Variants in DMXL2 observed in about 807,000 individuals in gnomAD.
The protein encoded by DMXL2 is dmX-like protein 2.
A neutral mutation model predicts 331.1 loss-of-function variants in DMXL2; 103 were observed. The observed-to-expected ratio is 0.31, with a 90% confidence interval of 0.27 to 0.37. The LOEUF is 0.37. Among genes scored for constraint, DMXL2 ranks in the 10% least tolerant of loss-of-function variants. DMXL2 has a pLI of 1.00. For synonymous variants in DMXL2, 1,281 were observed against 1,252.1 expected, an observed-to-expected ratio of 1.02 and a Z score of -0.49; for missense variants, 3,171 against 3,642.9, an observed-to-expected ratio of 0.87 and a Z score of 3.33.
chr15:51,466,167 A>G lies in DMXL2; in HGVS notation c.7520+17T>C, dbSNP rs775262725. The G allele has an allele frequency of 1.3e-6, 2 of 1,543,342 alleles. No individual in the cohort carries two copies. The highest frequency in any genetic ancestry group is 1.7e-6 in the Non-Finnish European group (2 of 1,154,368). On this transcript the variant is annotated intron_variant, in intron 30 of 43. Coordinates refer to ENST00000560891, the MANE Select transcript of DMXL2 (RefSeq NM_001378457.1). ...AAAAGCCAAAAAAAAAATGAGAGAAAGAAAAGTCTTATTTACCTATAGGAA... is the reference window on the plus strand; with the variant it reads ...AAAAGCCAAAAAAAAAATGAGAGAAGGAAAAGTCTTATTTACCTATAGGAA...
At chr15:51,610,237 TATA>T (rs1263590571) in intron 1 of DMXL2, among the ~76,000 whole-genome samples, 2 of 152,264 alleles carry the variant, frequency 1.3e-5, no homozygotes, top group African/African-American at 4.8e-5. Context: ...ACCAAGAAGA[TATA>T]ATAATTTTAA....
intron 1 of DMXL2, among the ~76,000 whole-genome samples, chr15:51,608,649 ATACTT>A (rs1426570640): frequency 6.6e-6 from 1 of 152,214 alleles, no homozygotes; most frequent in African/African-American, 2.4e-5. Context: ...ATCGGGAACT[ATACTT>A]ATTACCTGGG....
At chr15:51,543,825 G>C (rs1256466553) in intron 8 of DMXL2, among the ~76,000 whole-genome samples, 1 of 151,886 alleles carries the variant, frequency 6.6e-6, no homozygotes, top group Admixed American at 6.6e-5. Context: ...TTATATTTCT[G>C]TTCTATTTTA....
At position 51,480,050 on chromosome 15, in the gene DMXL2, G is replaced by C. The variant is rs768651804; in HGVS notation, c.6654C>G (p.Val2218=). The change falls in exon 25 of 44, where the codon GTC becomes GTG. Residue 2218 remains valine, a synonymous_variant. Coordinates refer to ENST00000560891, the MANE Select transcript of DMXL2 (RefSeq NM_001378457.1). ...TTAAGTACAATACAGGATTAGCTATGACTGTTTTTGTTGACGCAATACTTG... is the reference window on the plus strand; with the variant it reads ...TTAAGTACAATACAGGATTAGCTATCACTGTTTTTGTTGACGCAATACTTG... ...LSASIASTKT[V]IANPVLYLNN... The C allele has an allele frequency of 2.5e-6, 4 of 1,603,586 alleles. No individual in the cohort carries two copies. Among genetic ancestry groups the C allele is most frequent in the Non-Finnish European group, 3.4e-6 (4 of 1,171,870 alleles).
chr15:51,459,830 C>A (rs1052138608), intron 33 of DMXL2, 170 bp from the exon 34 acceptor site: 106 of 1,173,824 alleles, frequency 9.0e-5, no homozygotes, highest in African/African-American at 1.1e-4. Flanking sequence ...CAAATAAACA[C>A]AACACAAAGC....
At chr15:51,464,531 TA>T (rs149559063) in intron 32 of DMXL2, 143 bp downstream of exon 32, 11,071 of 614,132 alleles carry the variant, frequency 0.018, 291 homozygotes, top group East Asian at 0.081. Context: ...AAATTTCTGA[TA>T]TTTTTCTTAA....
At chr15:51,587,650 G>C (rs1288667525) in intron 1 of DMXL2, among the ~76,000 whole-genome samples, 1 of 152,152 alleles carries the variant, frequency 6.6e-6, no homozygotes, top group East Asian at 1.9e-4. Flanking sequence ...TGTCTTTATA[G>C]CAGCATGATT....
intron 8 of DMXL2, among the ~76,000 whole-genome samples, chr15:51,543,830 A>G (rs1382385921): frequency 6.6e-6 from 1 of 152,090 alleles, no homozygotes; most frequent in East Asian, 1.9e-4. Context: ...TTTCTGTTCT[A>G]TTTTACATGG....
intron 16 of DMXL2, among the ~76,000 whole-genome samples, chr15:51,503,273 A>C (rs2043812856): frequency 6.6e-6 from 1 of 152,218 alleles, no homozygotes; most frequent in African/African-American, 2.4e-5. Context: ...CTGCACTCCC[A>C]CATTTATTGT....
At chr15:51,596,582 A>G (rs1174610547) in intron 1 of DMXL2, among the ~76,000 whole-genome samples, 2 of 152,198 alleles carry the variant, frequency 1.3e-5, no homozygotes, top group Non-Finnish European at 2.9e-5. Flanking sequence ...TATATACCCA[A>G]AGGATTATAA....
Position 51,499,755 on chromosome 15 carries a change from T to C in DMXL2, c.3469A>G (p.Lys1157Glu), listed in dbSNP as rs771424376. 1 of 1,614,120 alleles carries C rather than the reference T, an allele frequency of 6.2e-7. No homozygotes were observed. Among genetic ancestry groups the C allele is most frequent in the Non-Finnish European group, 8.5e-7 (1 of 1,180,006 alleles). Residue 1157 changes from lysine (K) to glutamate (E), a missense_variant, in exon 18 of 44, where the codon AAG (lysine) becomes GAG (glutamate). Around this residue, in one of 7 missense-constraint regions of DMXL2, gnomAD observed 1,674 missense variants for 1,780.2 expected, o/e 0.94. Coordinates refer to ENST00000560891, the MANE Select transcript of DMXL2 (RefSeq NM_001378457.1). ...VYSKSDALLSKDRYLIPNIKH... is the reference protein window; with the variant it reads ...VYSKSDALLSEDRYLIPNIKH... ...ATATTCGGAATAAGATATCTATCCT[T>C]GCTCAAGAGTGCATCTGACTTGCTA... is the stretch of plus-strand genomic sequence containing the variant.
chr15:51,474,439 G>C lies in DMXL2; in HGVS notation c.7118C>G (p.Ala2373Gly), dbSNP rs771273900. 6.4e-7 allele frequency: 1 copy of C among 1,571,412 alleles called. No individual in the cohort carries two copies. The highest frequency in any genetic ancestry group is 8.6e-7 in the Non-Finnish European group (1 of 1,164,016). Reference sequence around the variant, plus strand: ...CATTCGATTATTTAATGGGTGGGCTGCAAGCCGAAATAATTCACTGGAGGA... The same window carrying C: ...CATTCGATTATTTAATGGGTGGGCTCCAAGCCGAAATAATTCACTGGAGGA... ...TNSSSELFRL[A>G]AHPLNNRMWA... The change falls in exon 28 of 44, where the codon GCA becomes GGA. Residue 2373 changes from alanine to glycine, a missense_variant. Physicochemically the swap from Ala to Gly is moderately conservative, Grantham distance 60. Transcript: ENST00000560891.
intron 13 of DMXL2, among the ~76,000 whole-genome samples, chr15:51,534,238 A>T (rs919723684): frequency 3.3e-5 from 5 of 152,316 alleles, no homozygotes; most frequent in Admixed American, 3.3e-4. Context: ...CTCAGAGTAC[A>T]GACAAACTGA....
intron 6 of DMXL2, among the ~76,000 whole-genome samples, chr15:51,558,555 C>T (rs1247038635): frequency 6.6e-6 from 1 of 152,188 alleles, no homozygotes; most frequent in African/African-American, 2.4e-5. Flanking sequence ...CTCATTTCTA[C>T]TTTGAAATTG....
intron 13 of DMXL2, among the ~76,000 whole-genome samples, chr15:51,528,605 T>G (rs1297491616): frequency 6.6e-6 from 1 of 152,104 alleles, no homozygotes; most frequent in Non-Finnish European, 1.5e-5. Flanking sequence ...CACCCAACAC[T>G]GGGGCACCCA....
chr15:51,450,369 A>G (rs1301100219), intron 42 of DMXL2, 23 bp from the exon 43 acceptor site: 4 of 1,608,838 alleles, frequency 2.5e-6, no homozygotes, highest in Non-Finnish European at 3.4e-6. Flanking sequence ...AACATCAGAG[A>G]ATTTCTCAAA....
chr15:51,472,318 TG>T (rs1340627144), intron 28 of DMXL2, among the ~76,000 whole-genome samples: 1 of 152,230 alleles, frequency 6.6e-6, no homozygotes, highest in Non-Finnish European at 1.5e-5. Context: ...CTTTTCACTC[TG>T]ACCATAACTA....
chr15:51,533,520 C>A (rs1200091431), intron 13 of DMXL2, among the ~76,000 whole-genome samples: 1 of 152,020 alleles, frequency 6.6e-6, no homozygotes, highest in East Asian at 1.9e-4. Context: ...GGCAAAAATT[C>A]CCATTTTCAA....
rs763318745 is a variant in DMXL2 at position 51,463,427 on chromosome 15, T to C, written c.7878A>G (p.Gln2626=). Residue 2626 remains glutamine (Q), a synonymous_variant, in exon 33 of 44, where the codon CAA becomes CAG. Transcript: ENST00000560891. Reference sequence around the variant, plus strand: ...TGAAAATATATCTAATAAATGTCTCTTGAAGGACCTCTTGTTTAACAAGGA... The same window carrying C: ...TGAAAATATATCTAATAAATGTCTCCTGAAGGACCTCTTGTTTAACAAGGA... ...WHFLVKQEVL[Q]ETFIRYIFTK... The C allele has an allele frequency of 3.7e-6, 6 of 1,601,720 alleles. No homozygotes were observed. Among genetic ancestry groups the C allele is most frequent in the African/African-American group, 2.7e-5 (2 of 74,410 alleles).
Sources: allele counts gnomAD v4.1 joint callset (sites outside exome capture counted in the v4.1 genomes callset), GRCh38; gene constraint gnomAD v4.1.1; regional missense constraint gnomAD v4.1.1; transcripts MANE v1.5; gene names NCBI Gene and HGNC (gene_info 2026-07-23, HGNC 2026-07-21).